ORC6: variants seen among roughly 807,000 people sequenced by gnomAD.
The protein encoded by ORC6 is origin recognition complex subunit 6.
Under a neutral mutation model 30.0 loss-of-function variants are expected in ORC6, and 31 were observed. The ratio of observed to expected loss-of-function variants is 1.03; its 90% CI spans 0.78 to 1.40. ORC6 has a LOEUF of 1.40. ORC6 is among the 40% of genes most tolerant of loss of function. The pLI is 0.00. For missense variants in ORC6, 340 were observed against 304.3 expected, an observed-to-expected ratio of 1.12 and a Z score of -0.87; for synonymous variants, 136 against 111.2, an observed-to-expected ratio of 1.22 and a Z score of -1.40.
At chr16:46,693,846 A>ATTTTATTTTTTTTTTT (rs1966482625) in intron 4 of ORC6, 4 of 42,782 alleles carry the variant, frequency 9.3e-5, no homozygotes, top group Non-Finnish European at 1.4e-4. Context: ...TTTTATTTTT[A>ATTTTATTTTTTTTTTT]TTTTTATTTT....
chr16:46,694,612 G>A lies in ORC6; in HGVS notation c.450-950G>A, dbSNP rs560285815. 744 of 109,706 alleles carry A rather than the reference G, an allele frequency of 6.8e-3. 33 individuals carry two copies. The highest frequency in any genetic ancestry group is 0.023 in the African/African-American group (684 of 30,290). The allele number at this position is 109,706 out of a possible 1,614,324, so 6.8% of individuals were successfully genotyped here. A position where few individuals can be genotyped will look rare whatever the true frequency, so the allele number is the denominator to read the frequency against. On this transcript the variant is annotated intron_variant, in intron 4 of 6. Transcript: ENST00000219097. ...GGGCTCCTCACTTCCCAGTAGGGGCGGCCGGGGCGGCTGGCCGGGCGGGGG... is the reference window on the plus strand; with the variant it reads ...GGGCTCCTCACTTCCCAGTAGGGGCAGCCGGGGCGGCTGGCCGGGCGGGGG...
chr16:46,693,012 T>C (rs1966465437), intron 3 of ORC6, 81 bp from the exon 4 acceptor site: 1 of 956,984 alleles, frequency 1.0e-6, no homozygotes, highest in Non-Finnish European at 1.7e-6. Context: ...TTTTAAAAGC[T>C]TGTAAGTTCT....
chr16:46,689,917 A>G (rs1966410323), intron 1 of ORC6, 147 bp downstream of exon 1: 3 of 1,218,504 alleles, frequency 2.5e-6, no homozygotes, highest in Non-Finnish European at 3.3e-6. Flanking sequence ...CTACTTCAAG[A>G]AAAACTTCTC....
chr16:46,692,947 T>A (rs1410042633), intron 3 of ORC6, 146 bp from the exon 4 acceptor site: 1 of 702,028 alleles, frequency 1.4e-6, no homozygotes, highest in African/African-American at 1.8e-5. Context: ...CCTGTTCTGG[T>A]TAATTTTCAG....
chr16:46,691,806 A>G (rs1174780356), intron 2 of ORC6, among the ~76,000 whole-genome samples: 3 of 152,020 alleles, frequency 2.0e-5, no homozygotes, highest in Non-Finnish European at 4.4e-5. Flanking sequence ...GCAAACTCCT[A>G]TTTGTCTTAC....
At chr16:46,690,657 A>T (rs551851332) in intron 1 of ORC6, 6 of 369,138 alleles carry the variant, frequency 1.6e-5, no homozygotes, top group South Asian at 1.3e-4. Context: ...CTACTGATTT[A>T]AAGGAAATAG....
At chr16:46,690,394 G>T (rs764721334) in intron 1 of ORC6, among the ~76,000 whole-genome samples, 1 of 152,204 alleles carries the variant, frequency 6.6e-6, no homozygotes, top group Non-Finnish European at 1.5e-5. Context: ...AAAACGTGGA[G>T]CAGTCAGGCG....
intron 1 of ORC6, among the ~76,000 whole-genome samples, chr16:46,690,584 G>A (rs1232775951): frequency 6.6e-6 from 1 of 152,078 alleles, no homozygotes; most frequent in African/African-American, 2.4e-5. Flanking sequence ...TCAGTAACTC[G>A]GCCTGGGACC....
In ORC6 at chr16:46,691,267, A is replaced by AT. The variant is rs1966434549; in HGVS notation, c.195+151dup. ...GTTATTCTGGAAATACTGTAGAATC[A>AT]TTTTGCATTGGAAAATATTTTTTTG... On this transcript the variant is annotated intron_variant, in intron 2 of 6. Coordinates refer to ENST00000219097, the MANE Select transcript of ORC6 (RefSeq NM_014321.4). 3.4e-5 allele frequency: 28 copies of AT among 825,312 alleles called. 1 individual carries two copies. In the South Asian group the frequency reaches 4.1e-4, roughly 12 times the overall value. 51.1% of individuals were successfully genotyped at this position (825,312 alleles called of 1,614,324 possible).
At chr16:46,690,911 C>T (rs1966428690) in intron 1 of ORC6, 80 bp from the exon 2 acceptor site, 1 of 1,474,626 alleles carries the variant, frequency 6.8e-7, no homozygotes, top group Non-Finnish European at 9.5e-7. Context: ...GTGAAGCTAA[C>T]CAGGCTGTAT....
intron 4 of ORC6, chr16:46,693,495 C>T (rs919883908): frequency 7.0e-5 from 29 of 417,026 alleles, no homozygotes; most frequent in African/African-American, 5.0e-4. Flanking sequence ...TTTTTCTGCT[C>T]ATATTTTTTA....
chr16:46,694,424 C>T (rs1406487106), intron 4 of ORC6: 1 of 146,374 alleles, frequency 6.8e-6, no homozygotes, highest in Non-Finnish European at 1.5e-5. Flanking sequence ...CCTCACTTCC[C>T]AGTAGGGGCG....
In ORC6 at chr16:46,689,786, C is replaced by G; in HGVS notation, c.65+16C>G. On this transcript the variant is annotated intron_variant, in intron 1 of 6. Transcript: ENST00000219097. ...ACATGCTGAGGTGAGTTCGGCCGCGCAAGACCAGGGCTGGGCTTCCGCCTC... is the reference window on the plus strand; with the variant it reads ...ACATGCTGAGGTGAGTTCGGCCGCGGAAGACCAGGGCTGGGCTTCCGCCTC... The G allele has an allele frequency of 6.3e-7, 1 of 1,582,704 alleles. No individual in the cohort carries two copies. Among genetic ancestry groups the G allele is most frequent in the Admixed American group, 1.8e-5 (1 of 55,976 alleles).
intron 3 of ORC6, 149 bp downstream of exon 3, chr16:46,692,694 C>A (rs1262997931): frequency 1.8e-5 from 12 of 674,294 alleles, no homozygotes; most frequent in Non-Finnish European, 2.9e-5. Context: ...ATGGTGAAAC[C>A]CCATTTCTAC....
In ORC6 at chr16:46,697,357, A is replaced by T. The variant is rs1215034938; in HGVS notation, c.632-101A>T. On this transcript the variant is annotated intron_variant, in intron 6 of 6. Coordinates refer to ENST00000219097, the MANE Select transcript of ORC6 (RefSeq NM_014321.4). ...AACTGCTGTTTCTCCATGTCATTTC[A>T]GTATCTTTTCTATTTTAGACAATTT... 3 of 1,086,512 alleles carry T rather than the reference A, an allele frequency of 2.8e-6. No homozygotes were observed. In the East Asian group the frequency reaches 7.7e-5, roughly 28 times the overall value. 67.3% of individuals were successfully genotyped at this position (1,086,512 alleles called of 1,614,324 possible). A position where few individuals can be genotyped will look rare whatever the true frequency, so the allele number is the denominator to read the frequency against.
At position 46,694,674 on chromosome 16, in the gene ORC6, AC is replaced by A. The variant is rs200999001; in HGVS notation, c.450-887del. On this transcript the variant is annotated intron_variant, in intron 4 of 6. Transcript: ENST00000219097. ...CACAACACTGTCTCTTAAAAAAAAA[AC>A]AAAACACTGGCTACAACTGTTCTTC... 4.9e-3 allele frequency among the ~76,000 whole-genome samples: 718 copies of A among 146,296 alleles called. 100 individuals are homozygous for A. The highest frequency in any genetic ancestry group is 0.011 in the Middle Eastern group (3 of 278).
chr16:46,691,958 A>ACACACACACTCTCTCTCTCTCT, intron 2 of ORC6, among the ~76,000 whole-genome samples: 3,842 of 36,726 alleles, frequency 0.1, 458 homozygotes, highest in Admixed American at 0.21. Flanking sequence ...ACACACACAC[A>ACACACACACTCTCTCTCTCTCT]CTCTCTCTCT....
In ORC6 at chr16:46,689,661, T is replaced by C. The variant is rs1239351676; in HGVS notation, c.-45T>C. ...TGCAGCCTTTGCGCGCGGGTTTCGT[T>C]GACCCGCGGCGTTCACGGGAATTGT... is the stretch of plus-strand genomic sequence containing the variant. On this transcript the variant is annotated 5_prime_UTR_variant, in exon 1 of 7. Coordinates refer to ENST00000219097, the MANE Select transcript of ORC6 (RefSeq NM_014321.4). The C allele has an allele frequency of 6.4e-7, 1 of 1,574,102 alleles. No individual in the cohort carries two copies. Among genetic ancestry groups the C allele is most frequent in the Admixed American group, 1.8e-5 (1 of 54,126 alleles).
At chr16:46,691,526 C>T (rs1966436897) in intron 2 of ORC6, among the ~76,000 whole-genome samples, 1 of 152,224 alleles carries the variant, frequency 6.6e-6, no homozygotes, top group African/African-American at 2.4e-5. Context: ...CCAGTGTCCT[C>T]ATCCATAAAG....
Sources: gnomAD v4.1 joint callset for allele counts (sites outside exome capture counted in the v4.1 genomes callset) on GRCh38, gnomAD v4.1.1 for gene constraint, MANE v1.5 for transcripts, NCBI Gene and HGNC (gene_info 2026-07-23, HGNC 2026-07-21) for gene names.